The following NBEAL1 variants were observed in gnomAD, a reference collection of about 807,000 sequenced individuals.
NBEAL1 encodes neurobeachin like 1.
Under a neutral mutation model 351.3 loss-of-function variants are expected in NBEAL1, and 273 were observed. That is an observed-to-expected ratio of 0.78 (90% CI 0.70 to 0.86). NBEAL1 has a LOEUF of 0.86. NBEAL1 is among the 40% of genes least tolerant of loss of function. NBEAL1 has a pLI of 0.00. For missense variants in NBEAL1, 2,961 were observed against 3,201.3 expected, an observed-to-expected ratio of 0.92 and a Z score of 1.81; for synonymous variants, 1,050 against 1,086.4, an observed-to-expected ratio of 0.97 and a Z score of 0.66.
chr2:203,067,346 T>C (rs566682084), intron 6 of NBEAL1, among the ~76,000 whole-genome samples: 9 of 152,340 alleles, frequency 5.9e-5, no homozygotes, highest in African/African-American at 1.9e-4. Flanking sequence ...TAGGCATAGA[T>C]TTAGAAAGCA....
rs1377187978 is a variant in NBEAL1, at chr2:203,122,340, T to G, written c.2679T>G (p.Ile893Met). Residue 893 changes from isoleucine (I) to methionine (M), a missense_variant, in exon 19 of 56, where the codon ATT becomes ATG. Physicochemically the swap from Ile to Met is conservative, Grantham distance 10 (BLOSUM62 1). Transcript: ENST00000683969. ...GAAACAAAGTAGTGAACTGGGACAT[T>G]AAGGTAAATTAATAGTAAATGTTGG... ...LTGNKVVNWDIKDIINCIGGL... is the reference protein window; with the variant it reads ...LTGNKVVNWDMKDIINCIGGL... The G allele has an allele frequency of 2.0e-6, 3 of 1,495,000 alleles. No individual in the cohort carries two copies. In the East Asian group the frequency reaches 7.4e-5, roughly 37 times the overall value. The allele number at this position is 1,495,000 out of a possible 1,614,324, so 92.6% of individuals were successfully genotyped here.
intron 51 of NBEAL1, among the ~76,000 whole-genome samples, chr2:203,207,326 G>C (rs1206122921): frequency 6.6e-6 from 1 of 151,654 alleles, no homozygotes; most frequent in Non-Finnish European, 1.5e-5. Context: ...CGCCCCCTCC[G>C]GGAGGTGAGG....
chr2:203,169,404 A>AC (rs1323593448), intron 38 of NBEAL1, among the ~76,000 whole-genome samples: 1 of 150,624 alleles, frequency 6.6e-6, no homozygotes, highest in Non-Finnish European at 1.5e-5. Context: ...AAAAAAAAAA[A>AC]AAAAAAACCA....
intron 39 of NBEAL1, among the ~76,000 whole-genome samples, chr2:203,170,229 A>G (rs1163671864): frequency 6.6e-6 from 1 of 152,002 alleles, no homozygotes; most frequent in Non-Finnish European, 1.5e-5. Context: ...AAAAGTAGCC[A>G]GGCATGTTGG....
At chr2:203,180,272 A>T in intron 42 of NBEAL1, 110 bp from the exon 43 acceptor site, 1 of 895,314 alleles carries the variant, frequency 1.1e-6, no homozygotes, top group East Asian at 2.6e-5. Context: ...GAGATTCAGA[A>T]AACAGTACCT....
chr2:203,217,552 A>G lies in NBEAL1; in HGVS notation c.*198A>G. 1.7e-6 allele frequency: 2 copies of G among 1,182,664 alleles called. No homozygotes were observed. Among genetic ancestry groups the G allele is most frequent in the Non-Finnish European group, 2.1e-6 (2 of 954,648 alleles). The allele number at this position is 1,182,664 out of a possible 1,614,324, so 73.3% of individuals were successfully genotyped here. ...TATTTGAGAAAATACATTTGATTTG[A>G]TTTTGTGGCCCATTCCTAAAGGTCA... On this transcript the variant is annotated 3_prime_UTR_variant, in exon 56 of 56. Coordinates refer to ENST00000683969, the MANE Select transcript of NBEAL1 (RefSeq NM_001378026.1).
intron 10 of NBEAL1, among the ~76,000 whole-genome samples, chr2:203,087,625 G>T (rs2106177499): frequency 6.6e-6 from 1 of 152,156 alleles, no homozygotes; most frequent in East Asian, 1.9e-4. Context: ...TCTTATTCAT[G>T]CTTTTTAAAT....
rs762793271 is a variant in NBEAL1 at position 203,144,803 on chromosome 2, G to C, written c.5052G>C (p.Leu1684Phe). ...SKIYELLFMNLHLPSLPFTNG... is the reference protein window; with the variant it reads ...SKIYELLFMNFHLPSLPFTNG... Reference sequence around the variant, plus strand: ...TTTATGAGCTTCTCTTCATGAACTTGCACCTACCTTCTTTACCTTTTACCA... The same window carrying C: ...TTTATGAGCTTCTCTTCATGAACTTCCACCTACCTTCTTTACCTTTTACCA... The change falls in exon 32 of 56, where the codon TTG becomes TTC. Residue 1684 changes from leucine (L) to phenylalanine (F), a missense_variant. Coordinates refer to ENST00000683969, the MANE Select transcript of NBEAL1 (RefSeq NM_001378026.1). The C allele has an allele frequency of 6.2e-7, 1 of 1,613,952 alleles. No individual in the cohort carries two copies. Among genetic ancestry groups the C allele is most frequent in the South Asian group, 1.1e-5 (1 of 91,078 alleles).
chr2:203,047,556 A>C (rs146962487), intron 3 of NBEAL1, among the ~76,000 whole-genome samples: 4 of 152,152 alleles, frequency 2.6e-5, no homozygotes, highest in Non-Finnish European at 5.9e-5. Context: ...GATATTTCCT[A>C]TCTCTCATTT....
intron 2 of NBEAL1, among the ~76,000 whole-genome samples, chr2:203,034,394 C>CAG (rs1360849446): frequency 1.8e-4 from 24 of 136,206 alleles, no homozygotes; most frequent in Non-Finnish European, 3.0e-4. Flanking sequence ...CCTGACCTTG[C>CAG]GATCCGCCCA....
At chr2:203,209,350 A>G in intron 53 of NBEAL1, 28 bp downstream of exon 53, 2 of 1,561,308 alleles carry the variant, frequency 1.3e-6, no homozygotes, top group Non-Finnish European at 1.8e-6. Context: ...CAATAGAGGT[A>G]GACTCCCAAT....
chr2:203,188,993 T>C (rs2064992909), intron 45 of NBEAL1, among the ~76,000 whole-genome samples: 1 of 152,266 alleles, frequency 6.6e-6, no homozygotes, highest in Admixed American at 6.5e-5. Context: ...AAATGATTTT[T>C]AAAAAGTAGT....
intron 46 of NBEAL1, chr2:203,190,832 C>T (rs1409466171): frequency 5.0e-6 from 8 of 1,610,914 alleles, no homozygotes; most frequent in Non-Finnish European, 6.8e-6. Flanking sequence ...CTGAGGTGCA[C>T]CGGAGGTGAA....
intron 3 of NBEAL1, 135 bp downstream of exon 3, chr2:203,041,991 G>A (rs1329132078): frequency 7.7e-6 from 5 of 651,308 alleles, no homozygotes; most frequent in Non-Finnish European, 1.3e-5. Flanking sequence ...TTCTCATAGA[G>A]ACATAGCTAA....
chr2:203,093,038 C>G (rs2062097159), intron 10 of NBEAL1, among the ~76,000 whole-genome samples: 1 of 151,904 alleles, frequency 6.6e-6, no homozygotes, highest in Admixed American at 6.6e-5. Flanking sequence ...TGAGACCACC[C>G]TGGCTAACAC....
chr2:203,073,962 G>C (rs1025977212), intron 7 of NBEAL1, among the ~76,000 whole-genome samples: 5 of 151,974 alleles, frequency 3.3e-5, no homozygotes, highest in African/African-American at 1.2e-4. Context: ...TTTCAAATTG[G>C]GGAAATGTTG....
At chr2:203,103,914 G>C (rs772227253) in intron 12 of NBEAL1, among the ~76,000 whole-genome samples, 1 of 152,170 alleles carries the variant, frequency 6.6e-6, no homozygotes, top group Non-Finnish European at 1.5e-5. Context: ...GTGTGGTTTT[G>C]AACAATTTTC....
intron 2 of NBEAL1, among the ~76,000 whole-genome samples, chr2:203,029,504 G>A (rs7561636): frequency 0.29 from 44,342 of 151,956 alleles, 7,080 homozygotes; most frequent in East Asian, 0.61. Context: ...CTAGCCTGGG[G>A]CAACATGATG....
chr2:203,089,159 G>C (rs572328001), intron 10 of NBEAL1, among the ~76,000 whole-genome samples: 2 of 152,250 alleles, frequency 1.3e-5, no homozygotes, highest in Admixed American at 6.5e-5. Context: ...AGGAGTTCCA[G>C]ACCAGCCTGG....
Sources: allele counts gnomAD v4.1 joint callset (sites outside exome capture counted in the v4.1 genomes callset), GRCh38; gene constraint gnomAD v4.1.1; transcripts MANE v1.5; gene names NCBI Gene and HGNC (gene_info 2026-07-23, HGNC 2026-07-21).